The following COL23A1 variants were observed in gnomAD, a reference collection of about 807,000 sequenced individuals.
COL23A1 encodes collagen type XXIII alpha 1 chain.
A neutral mutation model predicts 99.3 loss-of-function variants in COL23A1; 97 were observed. The ratio of observed to expected loss-of-function variants is 0.98; its 90% CI spans 0.83 to 1.16. The LOEUF (loss-of-function observed/expected upper bound fraction) is 1.16. COL23A1 is among the 50% of genes most tolerant of loss of function. The pLI, the probability that COL23A1 is intolerant of heterozygous loss-of-function variation, is 0.00. For synonymous variants in COL23A1, 320 were observed against 308.2 expected (o/e 1.04, Z -0.40); for missense variants, 762 against 757.4 (o/e 1.01, Z -0.07).
intron 2 of COL23A1, among the ~76,000 whole-genome samples, chr5:178,528,077 C>T (rs1041985020): frequency 6.6e-6 from 1 of 152,316 alleles, no homozygotes; most frequent in East Asian, 1.9e-4. Flanking sequence ...CATCTGTGCA[C>T]CTCAGATGCG....
In COL23A1 at chr5:178,308,515, G is replaced by C. The variant is rs1263670313; in HGVS notation, c.362-1596C>G. ...GGGCTGTGTTGAGCTGGTGAGGCTA[G>C]GACTCTGGGACCCTCAGAACAGACA... On this transcript the variant is annotated intron_variant, in intron 2 of 28. Coordinates refer to ENST00000390654, the MANE Select transcript of COL23A1 (RefSeq NM_173465.4). This position sits in a 1 kb window ranked among gnomAD's most constrained non-coding sequence, Gnocchi z 5.1. Among the ~76,000 whole-genome samples, 2 of 152,166 alleles carry C rather than the reference G, an allele frequency of 1.3e-5. No homozygotes were observed. Among genetic ancestry groups the C allele is most frequent in the East Asian group, 3.9e-4 (2 of 5,192 alleles).
chr5:178,306,800 G>T lies in COL23A1; in HGVS notation c.406+75C>A. The stretch of plus-strand genomic sequence containing the variant: ...ACTCAGGGTGGGCAGCAGGTGGCCA[G>T]GCCCTGCAGTCAGAGCCTGGGGCCA... On this transcript the variant is annotated intron_variant, in intron 3 of 28. Transcript: ENST00000390654. This position sits in a 1 kb window ranked among gnomAD's most constrained non-coding sequence, Gnocchi z 4.1. 2.6e-6 allele frequency: 3 copies of T among 1,162,234 alleles called. No individual in the cohort carries two copies. The highest frequency in any genetic ancestry group is 3.5e-6 in the Non-Finnish European group (3 of 861,742). The allele number at this position is 1,162,234 out of a possible 1,614,324, so 72.0% of individuals were successfully genotyped here.
At chr5:178,531,529 C>T (rs1760650614) in intron 2 of COL23A1, among the ~76,000 whole-genome samples, 1 of 152,140 alleles carries the variant, frequency 6.6e-6, no homozygotes. Flanking sequence ...GCAGATACAC[C>T]AGCCCCGGAC....
In COL23A1 at chr5:178,247,793, A is replaced by G. The variant is rs779649747; in HGVS notation, c.1251T>C (p.Pro417=). Residue 417 remains proline (P), a synonymous_variant, in exon 21 of 29, where the codon CCT becomes CCC. Coordinates refer to ENST00000390654, the MANE Select transcript of COL23A1 (RefSeq NM_173465.4). ...TCCTTACCATCGGGCCTGGGGGGCC[A>G]GGGGGGCCAGGGGGCCCTGGCTCCA... ...LIVEPGPPGP[P]GPPGPMGLQG... 15 of 1,611,718 alleles carry G rather than the reference A, an allele frequency of 9.3e-6. No homozygotes were observed. Among genetic ancestry groups the G allele is most frequent in the Non-Finnish European group, 1.3e-5 (15 of 1,179,068 alleles).
chr5:178,364,878 TG>T (rs1427264753), intron 2 of COL23A1, among the ~76,000 whole-genome samples: 1 of 152,206 alleles, frequency 6.6e-6, no homozygotes, highest in Non-Finnish European at 1.5e-5. Context: ...GCAGGGAGCC[TG>T]CCCAGGCCCC....
chr5:178,372,512 CG>C (rs1310250249), intron 2 of COL23A1, among the ~76,000 whole-genome samples: 1 of 152,112 alleles, frequency 6.6e-6, no homozygotes, highest in Non-Finnish European at 1.5e-5. Context: ...TCCTGGGGGG[CG>C]GGGGCTGCGG....
At chr5:178,525,939 A>C (rs1760280447) in intron 2 of COL23A1, among the ~76,000 whole-genome samples, 1 of 152,262 alleles carries the variant, frequency 6.6e-6, no homozygotes, top group Admixed American at 6.5e-5. Context: ...GCCTGACCTC[A>C]AGACCTCCAT....
intron 2 of COL23A1, among the ~76,000 whole-genome samples, chr5:178,322,727 C>A (rs1224823327): frequency 6.6e-6 from 1 of 152,224 alleles, no homozygotes; most frequent in Non-Finnish European, 1.5e-5. Context: ...GGGCCTGTCA[C>A]TCATGTGGTC....
chr5:178,494,726 T>A (rs776391660), intron 2 of COL23A1, among the ~76,000 whole-genome samples: 1 of 152,192 alleles, frequency 6.6e-6, no homozygotes, highest in Non-Finnish European at 1.5e-5. Flanking sequence ...AAGAAGGCTC[T>A]GCTCCCCGGT....
At chr5:178,260,152 G>A (rs983379235) in intron 11 of COL23A1, among the ~76,000 whole-genome samples, 12 of 152,346 alleles carry the variant, frequency 7.9e-5, no homozygotes, top group Admixed American at 5.2e-4. Context: ...GCTGGCATCT[G>A]CAGAGGCTGG....
chr5:178,307,423 G>A lies in COL23A1; in HGVS notation c.362-504C>T, dbSNP rs994534730. ...AATCCACTCATGACAGGCACTACAC[G>A]ATCCGCCTGCAGTCTCCGCCACTCG... is the stretch of plus-strand genomic sequence containing the variant. On this transcript the variant is annotated intron_variant, in intron 2 of 28. Coordinates refer to ENST00000390654, the MANE Select transcript of COL23A1 (RefSeq NM_173465.4). This position sits in a 1 kb window ranked among gnomAD's most constrained non-coding sequence, Gnocchi z 4.2. Among the ~76,000 whole-genome samples the A allele has an allele frequency of 4.6e-5, 7 of 152,336 alleles. No homozygotes were observed. The highest frequency in any genetic ancestry group is 1.7e-4 in the African/African-American group (7 of 41,580).
intron 2 of COL23A1, among the ~76,000 whole-genome samples, chr5:178,521,686 A>G (rs1456844422): frequency 2.0e-5 from 3 of 152,250 alleles, no homozygotes; most frequent in African/African-American, 7.2e-5. Flanking sequence ...AAAGGAATGA[A>G]GCACTGATGG....
At chr5:178,571,770 T>C (rs927940193) in intron 1 of COL23A1, among the ~76,000 whole-genome samples, 3 of 152,118 alleles carry the variant, frequency 2.0e-5, no homozygotes, top group African/African-American at 7.2e-5. Context: ...CAACAAAGTA[T>C]TGAAAAGACC....
At chr5:178,247,902 G>A (rs1764798763) in intron 20 of COL23A1, 71 bp from the exon 21 acceptor site, 13 of 1,330,394 alleles carry the variant, frequency 9.8e-6, no homozygotes, top group Admixed American at 2.0e-5. Flanking sequence ...CGAGCTCATC[G>A]CACACTGCTG....
intron 2 of COL23A1, among the ~76,000 whole-genome samples, chr5:178,507,751 G>A (rs1758959118): frequency 6.6e-6 from 1 of 152,220 alleles, no homozygotes; most frequent in African/African-American, 2.4e-5. Context: ...CTGCTTTCAA[G>A]TTTGTTTCTT....
chr5:178,509,095 A>G (rs544924031), intron 2 of COL23A1, among the ~76,000 whole-genome samples: 2 of 152,184 alleles, frequency 1.3e-5, no homozygotes, highest in African/African-American at 4.8e-5. Flanking sequence ...ATTGGTCTAG[A>G]TCCCAGCTTC....
intron 2 of COL23A1, among the ~76,000 whole-genome samples, chr5:178,341,615 C>A (rs115672938): frequency 0.026 from 4,028 of 152,282 alleles, 84 homozygotes; most frequent in South Asian, 0.06. Flanking sequence ...GTGGGTGAGG[C>A]TGGAAGAGGC....
intron 2 of COL23A1, among the ~76,000 whole-genome samples, chr5:178,554,663 T>C (rs1157724746): frequency 6.6e-6 from 1 of 152,064 alleles, no homozygotes; most frequent in African/African-American, 2.4e-5. Context: ...CGACACCACA[T>C]GCTTCTGGTA....
At chr5:178,270,430 C>A (rs1756222895) in intron 5 of COL23A1, 67 bp from the exon 6 acceptor site, 10 of 1,575,774 alleles carry the variant, frequency 6.3e-6, no homozygotes, top group Non-Finnish European at 7.0e-6. Context: ...GTCTTATGAC[C>A]CAGGTGCACT....
Sources: gnomAD v4.1 joint callset for allele counts (sites outside exome capture counted in the v4.1 genomes callset) on GRCh38, gnomAD v4.1.1 for gene constraint, Gnocchi (gnomAD v3.1) non-coding constraint, MANE v1.5 for transcripts, NCBI Gene and HGNC (gene_info 2026-07-23, HGNC 2026-07-21) for gene names.